The following NYAP2 variants were observed in gnomAD, a reference collection of about 807,000 sequenced individuals.
The protein encoded by NYAP2 is neuronal tyrosine-phosphorylated phosphoinositide-3-kinase adapter 2.
In NYAP2, 23 loss-of-function variants were observed where a neutral mutation model predicts 50.4. The ratio of observed to expected loss-of-function variants is 0.46; its 90% CI spans 0.33 to 0.65. NYAP2 has a LOEUF of 0.65. NYAP2 is among the 30% of genes least tolerant of loss of function. NYAP2 has a pLI of 0.02. For missense variants in NYAP2, 885 were observed against 861.0 expected, an observed-to-expected ratio of 1.03 and a Z score of -0.35; for synonymous variants, 394 against 365.2, an observed-to-expected ratio of 1.08 and a Z score of -0.90.
chr2:225,679,678 A>C, the NYAP2 span, among the ~76,000 whole-genome samples: 2 of 151,816 alleles, frequency 1.3e-5, no homozygotes, highest in South Asian at 4.2e-4. Flanking sequence ...TATTTTCAGT[A>C]GAGACAGGGT....
At chr2:225,603,194 A>G (rs1403278679) in intron 5 of NYAP2, among the ~76,000 whole-genome samples, 1 of 152,182 alleles carries the variant, frequency 6.6e-6, no homozygotes, top group African/African-American at 2.4e-5. Flanking sequence ...GTATTAATAT[A>G]TAAACATTTA....
chr2:225,604,155 A>T (rs757142385), intron 5 of NYAP2, among the ~76,000 whole-genome samples: 9 of 152,174 alleles, frequency 5.9e-5, no homozygotes, highest in Non-Finnish European at 1.3e-4. Context: ...GAAGTGAAAG[A>T]GTGTGAAGAA....
the NYAP2 span, among the ~76,000 whole-genome samples, chr2:225,665,191 A>G: frequency 6.6e-6 from 1 of 152,078 alleles, no homozygotes; most frequent in Non-Finnish European, 1.5e-5. Flanking sequence ...TTGAAGCTGA[A>G]CTTTGCTCTT....
intron 4 of NYAP2, among the ~76,000 whole-genome samples, chr2:225,553,280 T>C (rs1194146391): frequency 6.6e-6 from 1 of 152,116 alleles, no homozygotes; most frequent in Non-Finnish European, 1.5e-5. Context: ...AGAAACAAGT[T>C]CCCCCTAGTT....
At chr2:225,542,262 G>T (rs980780790) in intron 4 of NYAP2, among the ~76,000 whole-genome samples, 2 of 151,964 alleles carry the variant, frequency 1.3e-5, no homozygotes, top group African/African-American at 4.8e-5. Flanking sequence ...CTTTTATTTA[G>T]TTCTCTTGTT....
chr2:225,475,005 G>A (rs1344759799), intron 3 of NYAP2, among the ~76,000 whole-genome samples: 1 of 152,108 alleles, frequency 6.6e-6, no homozygotes, highest in Non-Finnish European at 1.5e-5. Context: ...TAACACTCCA[G>A]TTCTAGGAAG....
intron 3 of NYAP2, among the ~76,000 whole-genome samples, chr2:225,435,684 C>A (rs1689364617): frequency 6.6e-6 from 1 of 152,098 alleles, no homozygotes; most frequent in Non-Finnish European, 1.5e-5. Flanking sequence ...CTTCAGTAAC[C>A]TGAAGGGATG....
At chr2:225,652,935 T>C (rs995115532) in exon 7 of NYAP2, 1 of 152,198 alleles carries the variant, frequency 6.6e-6, no homozygotes, top group Admixed American at 6.5e-5. Context: ...CTCTCAAGGG[T>C]ATCTCAAGTA....
At chr2:225,670,605 C>CAA in the NYAP2 span, among the ~76,000 whole-genome samples, 7 of 78,540 alleles carry the variant, frequency 8.9e-5, no homozygotes, top group South Asian at 9.1e-4. Context: ...CAGTATTTTC[C>CAA]AAAAAAAAAA....
intron 3 of NYAP2, among the ~76,000 whole-genome samples, chr2:225,428,158 A>G (rs1695313334): frequency 6.6e-6 from 1 of 152,194 alleles, no homozygotes; most frequent in African/African-American, 2.4e-5. Flanking sequence ...GTAAGAAAGC[A>G]TTCTCCCTTC....
chr2:225,441,348 CTTGG>C (rs1164196592), intron 3 of NYAP2, among the ~76,000 whole-genome samples: 1 of 152,122 alleles, frequency 6.6e-6, no homozygotes. Flanking sequence ...CAATGAAAAT[CTTGG>C]TTGGTCATTT....
chr2:225,554,622 T>A (rs1452660878), intron 4 of NYAP2, among the ~76,000 whole-genome samples: 1 of 152,068 alleles, frequency 6.6e-6, no homozygotes, highest in African/African-American at 2.4e-5. Flanking sequence ...ATGCCCAGCC[T>A]ACATTTATCT....
chr2:225,484,672 C>T (rs1035685916), intron 3 of NYAP2, among the ~76,000 whole-genome samples: 1 of 152,180 alleles, frequency 6.6e-6, no homozygotes, highest in African/African-American at 2.4e-5. Context: ...TGTTGACTGG[C>T]TTAATGTCAT....
chr2:225,420,680 A>G (rs1485824234), intron 3 of NYAP2, among the ~76,000 whole-genome samples: 1 of 150,238 alleles, frequency 6.7e-6, no homozygotes, highest in African/African-American at 2.5e-5. Flanking sequence ...ACGTGATCTC[A>G]TCTCACTGCA....
At chr2:225,553,253 C>T (rs374583007) in intron 4 of NYAP2, among the ~76,000 whole-genome samples, 17 of 152,334 alleles carry the variant, frequency 1.1e-4, no homozygotes, top group East Asian at 9.6e-4. Context: ...ATAGTGAAAA[C>T]AAGTAGTAAA....
chr2:225,496,193 G>A (rs1364993695), intron 3 of NYAP2, among the ~76,000 whole-genome samples: 1 of 152,172 alleles, frequency 6.6e-6, no homozygotes, highest in African/African-American at 2.4e-5. Flanking sequence ...AAACTGAAAA[G>A]GCAAGTGATG....
In NYAP2 at chr2:225,523,218, C is replaced by T. The variant is rs530239259; in HGVS notation, c.523+9546C>T. Among the ~76,000 whole-genome samples, 16 of 151,482 alleles carry T rather than the reference C, an allele frequency of 1.1e-4. No individual in the cohort carries two copies. In the South Asian group the frequency reaches 2.7e-3, roughly 26 times the overall value. The stretch of plus-strand genomic sequence containing the variant: ...AAAAGACTATTCCTGGAAGTCCTCA[C>T]AAGAGCAGTCAGGTAAGAAATAAAT... On this transcript the variant is annotated intron_variant, in intron 4 of 6. Transcript: ENST00000636099.
In NYAP2 at chr2:225,582,360, C is replaced by G. The variant is rs567364084; in HGVS notation, c.943C>G (p.Pro315Ala). Reference sequence around the variant, plus strand: ...CGCCAAGGCCTCAGTGCCATGCCCCCCCAAGGGGCTGCTTTGCGACATCCC... The same window carrying G: ...CGCCAAGGCCTCAGTGCCATGCCCCGCCAAGGGGCTGCTTTGCGACATCCC... Residue 315 changes from proline (P) to alanine (A), a missense_variant, in exon 5 of 7, where the codon CCC (proline) becomes GCC (alanine). Coordinates refer to ENST00000636099, the Ensembl canonical transcript of NYAP2. The surrounding 1 kb of genome is among the most constrained non-coding windows in gnomAD (Gnocchi z 7.0). 2.1e-5 allele frequency: 34 copies of G among 1,612,518 alleles called. No homozygotes were observed. Among genetic ancestry groups the G allele is most frequent in the East Asian group, 6.7e-5 (3 of 44,828 alleles).
the NYAP2 span, among the ~76,000 whole-genome samples, chr2:225,688,719 T>A: frequency 2.0e-5 from 3 of 152,196 alleles, no homozygotes; most frequent in Non-Finnish European, 2.9e-5. Flanking sequence ...TACTGTCTCC[T>A]CAGAAAATAG....
Sources: allele counts gnomAD v4.1 joint callset (sites outside exome capture counted in the v4.1 genomes callset), GRCh38; gene constraint gnomAD v4.1.1; non-coding constraint Gnocchi (gnomAD v3.1); transcripts MANE v1.5; gene names NCBI Gene and HGNC (gene_info 2026-07-23, HGNC 2026-07-21).